The following ORC5 variants were observed in gnomAD, a reference collection of about 807,000 sequenced individuals.
The protein encoded by ORC5 is protein phosphatase 1, regulatory subunit 117.
Under a neutral mutation model 58.8 loss-of-function variants are expected in ORC5, and 39 were observed. The observed-to-expected ratio is 0.66, with a 90% CI of 0.51 to 0.87. ORC5 has a LOEUF of 0.87. Among genes scored for constraint, ORC5 ranks in the 40% least tolerant of loss-of-function variants. The probability of loss-of-function intolerance (pLI) is 0.00; values close to 1 mark genes in which losing one functional copy is unlikely to be tolerated. For synonymous variants in ORC5, 218 were observed against 177.6 expected (o/e 1.23, Z -1.81); for missense variants, 493 against 506.3 (o/e 0.97, Z 0.25).
chr7:104,182,577 G>A (rs1485883479), intron 8 of ORC5, among the ~76,000 whole-genome samples: 1 of 151,764 alleles, frequency 6.6e-6, no homozygotes, highest in Non-Finnish European at 1.5e-5. Flanking sequence ...GGTTACATAA[G>A]GAAATGTCGG....
chr7:104,169,017 C>T (rs867197337), intron 8 of ORC5, among the ~76,000 whole-genome samples: 1 of 152,048 alleles, frequency 6.6e-6, no homozygotes, highest in Non-Finnish European at 1.5e-5. Context: ...GGGAGGTGGA[C>T]GTTGCAGTGA....
Position 104,195,130 on chromosome 7 carries a change from T to G in ORC5, c.553+13A>C, listed in dbSNP as rs371971052. On this transcript the variant is annotated intron_variant, in intron 5 of 13. Transcript: ENST00000297431. ...CTGCATATCATTTGCCAAAACAATG[T>G]TTTAAGGTTTACCTATGCTGTAATC... is the stretch of plus-strand genomic sequence containing the variant. The G allele has an allele frequency of 7.2e-7, 1 of 1,393,378 alleles. No homozygotes were observed. The highest frequency in any genetic ancestry group is 1.5e-5 in the African/African-American group (1 of 67,198). 86.3% of individuals were successfully genotyped at this position (1,393,378 alleles called of 1,614,324 possible). A position where few individuals can be genotyped will look rare whatever the true frequency, so the allele number is the denominator to read the frequency against.
rs377255958 is a variant in ORC5, at chr7:104,154,180, A to G, written c.1149+6892T>C. ...TATACAATATACTGATTACTTCTCC[A>G]TAACTTAAGTTCCAAGTCTTGAGAT... On this transcript the variant is annotated intron_variant, in intron 12 of 13. Transcript: ENST00000297431. Among the ~76,000 whole-genome samples, 8 of 152,222 alleles carry G rather than the reference A, an allele frequency of 5.3e-5. No individual in the cohort carries two copies. In the East Asian group the frequency reaches 1.3e-3, roughly 26 times the overall value.
intron 8 of ORC5, 83 bp downstream of exon 8, chr7:104,183,860 C>T: frequency 1.1e-6 from 1 of 897,934 alleles, no homozygotes; most frequent in South Asian, 1.7e-5. Flanking sequence ...TTTTAGAGTC[C>T]CTCTCTCTGT....
At chr7:104,151,706 G>T (rs1230794281) in intron 12 of ORC5, among the ~76,000 whole-genome samples, 1 of 152,194 alleles carries the variant, frequency 6.6e-6, no homozygotes, top group Non-Finnish European at 1.5e-5. Flanking sequence ...TTCAGGTTCA[G>T]CTGGCAATTT....
Position 104,200,794 on chromosome 7 carries a change from G to A in ORC5, c.330C>T (p.Thr110=). 2 of 1,609,856 alleles carry A rather than the reference G, an allele frequency of 1.2e-6. No individual in the cohort carries two copies. The highest frequency in any genetic ancestry group is 1.7e-6 in the Non-Finnish European group (2 of 1,176,506). ...TCTGATCTTTAAGATTTTCAGCTGT[G>A]GTTACTTGTTTAAACAAGCGAACAA... is the stretch of plus-strand genomic sequence containing the variant. ...NDFVRLFKQV[T]TAENLKDQTV... is the part of the protein sequence containing the mutation. Residue 110 remains threonine (T), a synonymous_variant, in exon 3 of 14, where the codon ACC becomes ACT. Transcript: ENST00000297431.
chr7:104,163,207 T>C (rs1209585295), intron 11 of ORC5, among the ~76,000 whole-genome samples: 1 of 152,210 alleles, frequency 6.6e-6, no homozygotes, highest in Non-Finnish European at 1.5e-5. Context: ...CTGTTTCTTC[T>C]CTGACACACA....
At chr7:104,127,247 T>C (rs1467965210) in intron 13 of ORC5, among the ~76,000 whole-genome samples, 1 of 152,246 alleles carries the variant, frequency 6.6e-6, no homozygotes, top group Non-Finnish European at 1.5e-5. Flanking sequence ...GATTCAAAAG[T>C]ATTTAAATCT....
At chr7:104,162,518 G>C (rs1799041552) in intron 11 of ORC5, among the ~76,000 whole-genome samples, 1 of 152,192 alleles carries the variant, frequency 6.6e-6, no homozygotes, top group Non-Finnish European at 1.5e-5. Flanking sequence ...GTATTTACAT[G>C]CATGGGAGTA....
At chr7:104,179,631 T>G (rs1367118241) in intron 8 of ORC5, among the ~76,000 whole-genome samples, 1 of 151,986 alleles carries the variant, frequency 6.6e-6, no homozygotes. Context: ...AGCCATCTTC[T>G]AAACTGCAGT....
chr7:104,174,108 T>C (rs1236500978), intron 8 of ORC5, among the ~76,000 whole-genome samples: 1 of 152,086 alleles, frequency 6.6e-6, no homozygotes, highest in Non-Finnish European at 1.5e-5. Context: ...CCTCCCAAAG[T>C]GCTGGGATTA....
At chr7:104,157,080 G>A (rs1798939133) in intron 12 of ORC5, among the ~76,000 whole-genome samples, 1 of 151,922 alleles carries the variant, frequency 6.6e-6, no homozygotes, top group African/African-American at 2.4e-5. Flanking sequence ...CCATGGTTAA[G>A]AGTATAATTT....
chr7:104,156,254 A>G (rs1798923499), intron 12 of ORC5, among the ~76,000 whole-genome samples: 1 of 151,252 alleles, frequency 6.6e-6, no homozygotes, highest in Non-Finnish European at 1.5e-5. Context: ...ATAATAATCT[A>G]AAAAAAAATT....
intron 5 of ORC5, among the ~76,000 whole-genome samples, chr7:104,188,989 C>T (rs534747292): frequency 6.6e-6 from 1 of 152,040 alleles, no homozygotes; most frequent in Non-Finnish European, 1.5e-5. Flanking sequence ...GCCTGTACAG[C>T]CCACAGACTG....
chr7:104,157,678 G>A (rs1296877570), intron 12 of ORC5, among the ~76,000 whole-genome samples: 1 of 151,990 alleles, frequency 6.6e-6, no homozygotes, highest in Non-Finnish European at 1.5e-5. Flanking sequence ...GTTTTTAATT[G>A]CCATATATTT....
chr7:104,151,637 G>A (rs1562808523), intron 12 of ORC5, among the ~76,000 whole-genome samples: 1 of 152,174 alleles, frequency 6.6e-6, no homozygotes, highest in Non-Finnish European at 1.5e-5. Flanking sequence ...GAAAGATTTA[G>A]GGAATGATTT....
At chr7:104,130,342 T>A (rs1798494106) in intron 13 of ORC5, among the ~76,000 whole-genome samples, 1 of 152,162 alleles carries the variant, frequency 6.6e-6, no homozygotes, top group Non-Finnish European at 1.5e-5. Flanking sequence ...ATATCCTCTA[T>A]CTCTTCAAGG....
At chr7:104,128,541 TACC>T (rs1384004123) in intron 13 of ORC5, among the ~76,000 whole-genome samples, 1 of 152,086 alleles carries the variant, frequency 6.6e-6, no homozygotes, top group African/African-American at 2.4e-5. Context: ...ATTATTATTA[TACC>T]TTAAGTTTTA....
intron 8 of ORC5, among the ~76,000 whole-genome samples, chr7:104,174,314 C>T (rs1222067336): frequency 6.6e-6 from 1 of 152,114 alleles, no homozygotes; most frequent in East Asian, 1.9e-4. Context: ...TACGATGGTC[C>T]CCACCATCTA....
Sources: allele counts gnomAD v4.1 joint callset (sites outside exome capture counted in the v4.1 genomes callset), GRCh38; gene constraint gnomAD v4.1.1; transcripts MANE v1.5; gene names NCBI Gene and HGNC (gene_info 2026-07-23, HGNC 2026-07-21).